The following TG variants were observed in gnomAD, a reference collection of about 807,000 sequenced individuals.
TG encodes thyroid hormones.
In TG, 270 loss-of-function variants were observed where a neutral mutation model predicts 324.7. The observed-to-expected ratio is 0.83, with a 90% CI of 0.75 to 0.92. The LOEUF is 0.92. Among genes scored for constraint, TG ranks in the 40% least tolerant of loss-of-function variants. The pLI, the probability that TG is intolerant of heterozygous loss-of-function variation, is 0.00. For missense variants in TG, 3,591 were observed against 3,456.4 expected (o/e 1.04, Z -0.98); for synonymous variants, 1,401 against 1,327.0 (o/e 1.06, Z -1.21).
At position 132,887,540 on chromosome 8, in the gene TG, C is replaced by A. The variant is rs768618545; in HGVS notation, c.2168C>A (p.Pro723His). Residue 723 changes from proline (P) to histidine (H), a missense_variant, in exon 9 of 48, where the codon CCC becomes CAC. Transcript: ENST00000220616. ...GGAACTCGAAGTGCAATAGGGAAGC[C>A]CAAGAAATGTAAGTCTGTTGGGTAT... ...IPGTRSAIGK[P>H]KKCPTPCQLQ... The A allele has an allele frequency of 8.1e-6, 13 of 1,614,016 alleles. No individual in the cohort carries two copies. The highest frequency in any genetic ancestry group is 1.7e-6 in the Non-Finnish European group (2 of 1,180,030).
At chr8:132,915,892 G>A (rs1406966491) in intron 20 of TG, among the ~76,000 whole-genome samples, 3 of 152,178 alleles carry the variant, frequency 2.0e-5, no homozygotes, top group African/African-American at 7.2e-5. Context: ...ACTCCAAAGG[G>A]TTGGAAAGAT....
chr8:133,084,898 G>T (rs184456180), intron 41 of TG, among the ~76,000 whole-genome samples: 2 of 152,268 alleles, frequency 1.3e-5, no homozygotes, highest in African/African-American at 4.8e-5. Flanking sequence ...CACATAGAGG[G>T]TGGGTAGTGT....
rs140946412 is a variant in TG at position 133,104,988 on chromosome 8, T to A, written c.7573-8434T>A. Among the ~76,000 whole-genome samples the A allele has an allele frequency of 1.5e-3, 223 of 152,342 alleles. 1 individual carries two copies. The highest frequency in any genetic ancestry group is 5.3e-3 in the African/African-American group (219 of 41,584). On this transcript the variant is annotated intron_variant, in intron 43 of 47. Coordinates refer to ENST00000220616, the MANE Select transcript of TG (RefSeq NM_003235.5). Reference sequence around the variant, plus strand: ...TCCTACTAGGTTGGTCTTCAATTCATGTCCCTCTAATGAACAAAGGAGTGT... The same window carrying A: ...TCCTACTAGGTTGGTCTTCAATTCAAGTCCCTCTAATGAACAAAGGAGTGT...
intron 41 of TG, among the ~76,000 whole-genome samples, chr8:133,063,070 A>G (rs1842605082): frequency 6.6e-6 from 1 of 152,192 alleles, no homozygotes; most frequent in African/African-American, 2.4e-5. Context: ...CTCAACATGC[A>G]GAACTAACTC....
rs1406692879 is a variant in TG at position 132,887,438 on chromosome 8, G to A, written c.2066G>A (p.Ser689Asn). 1 of 1,614,190 alleles carries A rather than the reference G, an allele frequency of 6.2e-7. No individual in the cohort carries two copies. Residue 689 changes from serine (S) to asparagine (N), a missense_variant, in exon 9 of 48, where the codon AGT becomes AAT. Physicochemically the swap from Ser to Asn is conservative, Grantham distance 46. Transcript: ENST00000220616. The part of the protein sequence containing the change: ...GSTLFVPACT[S>N]EGHFLPVQCF... ...ACCTTGTTTGTCCCTGCTTGTACTA[G>A]TGAGGGACATTTCCTGCCTGTCCAG...
At position 132,969,719 on chromosome 8, in the gene TG, T is replaced by C. The variant is rs1489298368; in HGVS notation, c.5975+150T>C. On this transcript the variant is annotated intron_variant, in intron 32 of 47. Coordinates refer to ENST00000220616, the MANE Select transcript of TG (RefSeq NM_003235.5). ...CGAGGTCAAGAGATCAAGACTATCC[T>C]GACCAACATGGTGAAGCCCCGTCTC... is the stretch of plus-strand genomic sequence containing the variant. 6.1e-6 allele frequency: 4 copies of C among 651,334 alleles called. No individual in the cohort carries two copies. In the African/African-American group the frequency reaches 7.3e-5, roughly 12 times the overall value. The allele number at this position is 651,334 out of a possible 1,614,324, so 40.3% of individuals were successfully genotyped here.
Position 133,072,675 on chromosome 8 carries a change from T to G in TG, c.7240-22369T>G, listed in dbSNP as rs187937871. Among the ~76,000 whole-genome samples the G allele has an allele frequency of 7.2e-5, 11 of 152,364 alleles. 1 individual carries two copies. The East Asian group carries it at 2.1e-3, about 29-fold the overall frequency. ...TATTAATGCAGGGCACTGATTTAGG[T>G]GCACTAGAATGAATAATTTCTGTCT... is the stretch of plus-strand genomic sequence containing the variant. On this transcript the variant is annotated intron_variant, in intron 41 of 47. Transcript: ENST00000220616.
At chr8:133,108,611 G>A (rs59789856) in intron 43 of TG, among the ~76,000 whole-genome samples, 8,063 of 152,182 alleles carry the variant, frequency 0.053, 684 homozygotes, top group African/African-American at 0.18. Context: ...CTAAGAAGTC[G>A]CACAGTTACC....
intron 13 of TG, 60 bp from the exon 14 acceptor site, chr8:132,898,738 A>C: frequency 2.0e-6 from 3 of 1,486,476 alleles, no homozygotes; most frequent in Non-Finnish European, 2.8e-6. Flanking sequence ...TCAGCCTGGG[A>C]TCCCCTCTTT....
intron 43 of TG, among the ~76,000 whole-genome samples, chr8:133,106,917 C>T (rs1016695138): frequency 1.5e-4 from 23 of 152,158 alleles, no homozygotes; most frequent in Non-Finnish European, 2.8e-4. Context: ...GTTGAAGGGA[C>T]GGTAGGATGA....
intron 20 of TG, among the ~76,000 whole-genome samples, chr8:132,918,920 A>G (rs1320104533): frequency 6.6e-6 from 1 of 152,228 alleles, no homozygotes; most frequent in Non-Finnish European, 1.5e-5. Context: ...TGGGGATAAA[A>G]TACAGACTTT....
chr8:133,000,675 CA>C (rs930337539), intron 35 of TG, among the ~76,000 whole-genome samples: 5 of 152,200 alleles, frequency 3.3e-5, no homozygotes, highest in Admixed American at 3.3e-4. Context: ...CCGCTTCGTA[CA>C]GGAGATGCTT....
intron 3 of TG, 81 bp from the exon 4 acceptor site, chr8:132,871,266 GA>G: frequency 6.9e-7 from 1 of 1,449,222 alleles, no homozygotes; most frequent in Non-Finnish European, 9.7e-7. Context: ...GTCCCCTTGG[GA>G]AGGGAGCATG....
intron 22 of TG, 120 bp from the exon 23 acceptor site, chr8:132,928,956 A>G (rs1238544635): frequency 1.2e-6 from 1 of 819,466 alleles, no homozygotes; most frequent in East Asian, 2.4e-5. Flanking sequence ...TTCCTGGGAC[A>G]TTTGTGTTAC....
At chr8:133,092,834 C>T (rs771950416) in intron 41 of TG, among the ~76,000 whole-genome samples, 1 of 152,168 alleles carries the variant, frequency 6.6e-6, no homozygotes. Flanking sequence ...CAATTTTCCA[C>T]GGTGAAAAAG....
chr8:133,006,482 G>A (rs1834025633), intron 35 of TG, among the ~76,000 whole-genome samples: 1 of 152,220 alleles, frequency 6.6e-6, no homozygotes, highest in African/African-American at 2.4e-5. Flanking sequence ...CATCTTAAAT[G>A]TTTTGGCTTC....
At chr8:133,004,343 T>G (rs533657886) in intron 35 of TG, among the ~76,000 whole-genome samples, 139 of 152,278 alleles carry the variant, frequency 9.1e-4, no homozygotes, top group African/African-American at 3.3e-3. Context: ...AATGAGGAGA[T>G]CCAAGACTAT....
At position 133,113,696 on chromosome 8, in the gene TG, C is replaced by T. The variant is rs114101775; in HGVS notation, c.7754+93C>T. The T allele has an allele frequency of 2.7e-3, 3,835 of 1,428,716 alleles. 90 individuals are homozygous for T. The African/African-American group carries it at 0.047, about 18-fold the overall frequency. 88.5% of individuals were successfully genotyped at this position (1,428,716 alleles called of 1,614,324 possible). A position where few individuals can be genotyped will look rare whatever the true frequency, so the allele number is the denominator to read the frequency against. The stretch of plus-strand genomic sequence containing the variant: ...AGGTCATGAATGAGAAATAAAGGCA[C>T]GTGGCTTTGTGCTTGAGGTTTCCTC... On this transcript the variant is annotated intron_variant, in intron 44 of 47. Coordinates refer to ENST00000220616, the MANE Select transcript of TG (RefSeq NM_003235.5).
At chr8:133,071,352 G>C (rs1238702486) in intron 41 of TG, among the ~76,000 whole-genome samples, 1 of 152,208 alleles carries the variant, frequency 6.6e-6, no homozygotes, top group East Asian at 1.9e-4. Flanking sequence ...CTGGAATCCA[G>C]GCATCTGGCT....
Sources: gnomAD v4.1 joint callset for allele counts (sites outside exome capture counted in the v4.1 genomes callset) on GRCh38, gnomAD v4.1.1 for gene constraint, MANE v1.5 for transcripts, NCBI Gene and HGNC (gene_info 2026-07-23, HGNC 2026-07-21) for gene names.